ARID2: variants seen among roughly 807,000 people sequenced by gnomAD.
ARID2 encodes AT-rich interaction domain 2, also known as AT-rich interactive domain-containing protein 2.
Under a neutral mutation model 184.6 loss-of-function variants are expected in ARID2, and 32 were observed. The ratio of observed to expected loss-of-function variants is 0.17; its 90% CI spans 0.13 to 0.23. The LOEUF (loss-of-function observed/expected upper bound fraction) is 0.23. Ranked by LOEUF, ARID2 falls within the 10% of genes least tolerant of loss-of-function variation. ARID2 has a pLI of 1.00. For missense variants in ARID2, 1,696 were observed against 2,197.6 expected, an observed-to-expected ratio of 0.77 and a Z score of 4.56; for synonymous variants, 836 against 772.6, an observed-to-expected ratio of 1.08 and a Z score of -1.36.
intron 3 of ARID2, among the ~76,000 whole-genome samples, chr12:45,803,094 AT>A (rs1942536743): frequency 6.6e-6 from 1 of 152,072 alleles, no homozygotes; most frequent in Non-Finnish European, 1.5e-5. Flanking sequence ...AAAAAAAATT[AT>A]TTGCTTATGA....
At position 45,754,677 on chromosome 12, in the gene ARID2, C is replaced by G. The variant is rs772884067; in HGVS notation, c.284+23363C>G. On this transcript the variant is annotated intron_variant, in intron 3 of 20. Transcript: ENST00000334344. ...AGATCCTTCTTTATAATCCCACTTT[C>G]CTCCTCATTTATATCTCTATTACAA... 3.5e-4 allele frequency among the ~76,000 whole-genome samples: 54 copies of G among 152,228 alleles called. 1 individual carries two copies. Among genetic ancestry groups the G allele is most frequent in the Admixed American group, 4.6e-4 (7 of 15,280 alleles).
intron 16 of ARID2, among the ~76,000 whole-genome samples, chr12:45,878,161 C>G (rs561336909): frequency 6.6e-6 from 1 of 151,700 alleles, no homozygotes; most frequent in African/African-American, 2.4e-5. Flanking sequence ...TTTTCTTTGT[C>G]TTTGGTTTTT....
At chr12:45,904,551 C>T (rs917392052) in intron 20 of ARID2, among the ~76,000 whole-genome samples, 4 of 151,910 alleles carry the variant, frequency 2.6e-5, no homozygotes, top group East Asian at 1.9e-4. Flanking sequence ...ATTAGCTGGG[C>T]GTGGTGGCAC....
chr12:45,802,036 T>C (rs1282359520), intron 3 of ARID2, among the ~76,000 whole-genome samples: 5 of 152,082 alleles, frequency 3.3e-5, no homozygotes, highest in Non-Finnish European at 2.9e-5. Context: ...AGTGTAGATA[T>C]AAGAGTTTTG....
chr12:45,850,937 T>C lies in ARID2; in HGVS notation c.2814T>C (p.Thr938=). Residue 938 remains threonine, a synonymous_variant, in exon 15 of 21, where the codon ACT becomes ACC. Coordinates refer to ENST00000334344, the MANE Select transcript of ARID2 (RefSeq NM_152641.4). Reference sequence around the variant, plus strand: ...GCCAGCCAGCTCAACAAGGTCAAACTTATGCACCAGCCATTCACCAAATTG... The same window carrying C: ...GCCAGCCAGCTCAACAAGGTCAAACCTATGCACCAGCCATTCACCAAATTG... ...IVSQPAQQGQ[T]YAPAIHQIVL... The C allele has an allele frequency of 6.2e-7, 1 of 1,614,080 alleles. No individual in the cohort carries two copies. Among genetic ancestry groups the C allele is most frequent in the Non-Finnish European group, 8.5e-7 (1 of 1,180,000 alleles).
intron 6 of ARID2, among the ~76,000 whole-genome samples, chr12:45,824,229 TC>T (rs1942953206): frequency 6.6e-6 from 1 of 152,166 alleles, no homozygotes; most frequent in African/African-American, 2.4e-5. Context: ...GAGGTATGTT[TC>T]TTCTATGCCT....
intron 12 of ARID2, 41 bp from the exon 13 acceptor site, chr12:45,848,795 T>C: frequency 6.5e-7 from 1 of 1,535,590 alleles, no homozygotes; most frequent in South Asian, 1.3e-5. Flanking sequence ...TGGAGTTTCC[T>C]AGAGTATATT....
chr12:45,853,756 T>G (rs1943597765), intron 15 of ARID2, among the ~76,000 whole-genome samples: 1 of 152,204 alleles, frequency 6.6e-6, no homozygotes, highest in East Asian at 1.9e-4. Flanking sequence ...GCTGACACAG[T>G]TCTGGCTTGG....
intron 3 of ARID2, among the ~76,000 whole-genome samples, chr12:45,795,463 GCT>G (rs35276453): frequency 8.6e-4 from 130 of 151,484 alleles, no homozygotes; most frequent in African/African-American, 3.1e-3. Flanking sequence ...ACGGAGTCTC[GCT>G]CTGTCGCCCA....
chr12:45,875,507 TAGA>T (rs1201562317), intron 16 of ARID2, among the ~76,000 whole-genome samples: 4 of 152,244 alleles, frequency 2.6e-5, no homozygotes, highest in Non-Finnish European at 5.9e-5. Flanking sequence ...CTTAGAATCT[TAGA>T]AGCTTTGAAG....
At chr12:45,753,002 T>C (rs1372360311) in intron 3 of ARID2, among the ~76,000 whole-genome samples, 2 of 152,232 alleles carry the variant, frequency 1.3e-5, no homozygotes, top group Non-Finnish European at 2.9e-5. Context: ...GGCTCATGCC[T>C]GTAATCCCAG....
In ARID2 at chr12:45,851,287, G is replaced by T. The variant is rs980467025; in HGVS notation, c.3164G>T (p.Gly1055Val). 1 of 1,614,062 alleles carries T rather than the reference G, an allele frequency of 6.2e-7. No homozygotes were observed. The highest frequency in any genetic ancestry group is 8.5e-7 in the Non-Finnish European group (1 of 1,180,034). The change falls in exon 15 of 21, where the codon GGT becomes GTT. Residue 1055 changes from glycine (G) to valine (V), a missense_variant. Physicochemically the swap from Gly to Val is moderately radical, Grantham distance 109. Coordinates refer to ENST00000334344, the MANE Select transcript of ARID2 (RefSeq NM_152641.4). ...SNAGVGQPAS[G>V]ESSLIKQLLL... ...GCAGGAGTTGGTCAGCCTGCCTCTG[G>T]TGAGTCGAGTCTGATTAAACAGCTT...
chr12:45,821,423 T>C lies in ARID2; in HGVS notation c.641T>C (p.Leu214Ser), dbSNP rs370127062. Residue 214 changes from leucine (L) to serine (S), a missense_variant, in exon 6 of 21, where the codon TTA becomes TCA. Physicochemically the swap from Leu to Ser is moderately radical, Grantham distance 145. Coordinates refer to ENST00000334344, the MANE Select transcript of ARID2 (RefSeq NM_152641.4). ...LANAGVFDDTLGSFSTVFGEE... is the reference protein window; with the variant it reads ...LANAGVFDDTSGSFSTVFGEE... ...TATTTATTTATTTGTTTTTTAGCTT[T>C]AGGATCCTTTTCCACTGTATTTGGA... is the stretch of plus-strand genomic sequence containing the variant. 1.3e-6 allele frequency: 2 copies of C among 1,512,156 alleles called. No homozygotes were observed. The highest frequency in any genetic ancestry group is 8.8e-7 in the Non-Finnish European group (1 of 1,134,396). The allele number at this position is 1,512,156 out of a possible 1,614,324, so 93.7% of individuals were successfully genotyped here.
intron 12 of ARID2, among the ~76,000 whole-genome samples, chr12:45,847,472 AT>A (rs1166270900): frequency 6.6e-6 from 1 of 152,100 alleles, no homozygotes; most frequent in Non-Finnish European, 1.5e-5. Context: ...CCTTGAAAAG[AT>A]TGTGTAGTCC....
intron 11 of ARID2, among the ~76,000 whole-genome samples, chr12:45,844,205 G>C (rs1381703770): frequency 1.3e-5 from 2 of 151,984 alleles, no homozygotes; most frequent in Admixed American, 1.3e-4. Context: ...GTCTGGCTAA[G>C]GACGGGGTTT....
Position 45,810,694 on chromosome 12 carries a change from C to T in ARID2, c.285-724C>T, listed in dbSNP as rs143616646. ...TTCTCAGAAAATATACTCAGGTTTG[C>T]ACATGAACCTGTTGTTATTGCTGAT... is the stretch of plus-strand genomic sequence containing the variant. On this transcript the variant is annotated intron_variant, in intron 3 of 20. Transcript: ENST00000334344. 8.2e-3 allele frequency among the ~76,000 whole-genome samples: 1,246 copies of T among 152,198 alleles called. 18 individuals carry two copies. Among genetic ancestry groups the T allele is most frequent in the African/African-American group, 0.029 (1,200 of 41,524 alleles).
chr12:45,888,323 A>C (rs1944232513), intron 16 of ARID2, among the ~76,000 whole-genome samples: 1 of 152,246 alleles, frequency 6.6e-6, no homozygotes, highest in Admixed American at 6.5e-5. Flanking sequence ...GACAAGCTCT[A>C]AAATAAGATT....
At chr12:45,891,618 A>G (rs568699831) in intron 16 of ARID2, among the ~76,000 whole-genome samples, 162 bp from the exon 17 acceptor site, 3 of 152,212 alleles carry the variant, frequency 2.0e-5, no homozygotes, top group Non-Finnish European at 4.4e-5. Flanking sequence ...GTCAGCCTTC[A>G]TTGAAGGTAG....
intron 4 of ARID2, among the ~76,000 whole-genome samples, chr12:45,812,711 A>G (rs1013295825): frequency 6.6e-6 from 1 of 152,224 alleles, no homozygotes; most frequent in African/African-American, 2.4e-5. Flanking sequence ...TTGTTTCTAA[A>G]AAGAGCTAAT....
Sources: gnomAD v4.1 joint callset for allele counts (sites outside exome capture counted in the v4.1 genomes callset) on GRCh38, gnomAD v4.1.1 for gene constraint, MANE v1.5 for transcripts, NCBI Gene and HGNC (gene_info 2026-07-23, HGNC 2026-07-21) for gene names.